Variants in INSL6 observed in about 807,000 individuals in gnomAD.
The protein encoded by INSL6 is insulin-like peptide INSL6.
A neutral mutation model predicts 9.4 loss-of-function variants in INSL6; 16 were observed. The ratio of observed to expected loss-of-function variants is 1.70; its 90% CI spans 1.15 to 2.59. The LOEUF (loss-of-function observed/expected upper bound fraction) is 2.59. Among genes scored for constraint, INSL6 ranks in the 30% most tolerant of loss-of-function variants. INSL6 has a pLI of 0.00. For synonymous variants in INSL6, 154 were observed against 96.9 expected (o/e 1.59, Z -3.46); for missense variants, 391 against 257.3 (o/e 1.52, Z -3.56).
the INSL6 span, among the ~76,000 whole-genome samples, chr9:4,998,025 A>G: frequency 6.6e-6 from 1 of 152,218 alleles, no homozygotes; most frequent in Non-Finnish European, 1.5e-5. Context: ...AAAAATCATT[A>G]TGAGCTTAAA....
intron 3 of INSL6, among the ~76,000 whole-genome samples, chr9:5,125,714 T>C (rs1823940354): frequency 3.0e-5 from 2 of 66,480 alleles, no homozygotes; most frequent in African/African-American, 1.2e-4. Flanking sequence ...TATATATATT[T>C]TAATTTCCAT....
chr9:5,021,893 A>T, the INSL6 span: 5 of 879,490 alleles, frequency 5.7e-6, no homozygotes, highest in Non-Finnish European at 8.8e-6. Flanking sequence ...TCGGCCCCGC[A>T]AAGTGCTAGG....
the INSL6 span, chr9:5,078,229 T>G: frequency 1.6e-6 from 2 of 1,214,246 alleles, no homozygotes; most frequent in Non-Finnish European, 1.2e-6. Context: ...TTAAATCTGT[T>G]TTGGGGGCTT....
the INSL6 span, chr9:5,099,800 C>G: frequency 2.0e-5 from 3 of 152,188 alleles, no homozygotes; most frequent in African/African-American, 7.2e-5. Context: ...ACTGCCTCAA[C>G]CAACCTCCTT....
the INSL6 span, among the ~76,000 whole-genome samples, chr9:5,103,660 C>T: frequency 6.6e-6 from 1 of 151,962 alleles, no homozygotes; most frequent in Non-Finnish European, 1.5e-5. Context: ...AAATAGACCA[C>T]ATAGAAGTAA....
In INSL6 at chr9:5,175,613, A is replaced by T. The variant is rs974246709; in HGVS notation, c.289+9701T>A. On this transcript the variant is annotated intron_variant, in intron 1 of 1. Coordinates refer to ENST00000381641, the MANE Select transcript of INSL6 (RefSeq NM_007179.3). ...TAAGCAGTGGGCAGGCGAGCGAGCA[A>T]AGCTTCATCTATATTTACAGCTGCT... is the stretch of plus-strand genomic sequence containing the variant. 6.6e-4 allele frequency among the ~76,000 whole-genome samples: 101 copies of T among 152,254 alleles called. 1 individual carries two copies. The highest frequency in any genetic ancestry group is 3.3e-4 in the Admixed American group (5 of 15,292).
intron 1 of INSL6, among the ~76,000 whole-genome samples, chr9:5,180,451 T>C (rs896695716): frequency 2.0e-5 from 3 of 152,188 alleles, no homozygotes; most frequent in Non-Finnish European, 4.4e-5. Context: ...GATGTGCAAG[T>C]AGGGAAGATA....
At chr9:5,064,017 G>A in the INSL6 span, among the ~76,000 whole-genome samples, 5,618 of 152,016 alleles carry the variant, frequency 0.037, 169 homozygotes, top group Middle Eastern at 0.058. Context: ...TTAGCCGGGC[G>A]TCTTGGCGTG....
chr9:5,105,472 G>A, the INSL6 span, among the ~76,000 whole-genome samples: 1 of 152,298 alleles, frequency 6.6e-6, no homozygotes, highest in African/African-American at 2.4e-5. Flanking sequence ...TCAATATCGT[G>A]AAAATGGCGA....
chr9:5,064,054 A>G, the INSL6 span, among the ~76,000 whole-genome samples: 2 of 151,888 alleles, frequency 1.3e-5, no homozygotes, highest in African/African-American at 4.8e-5. Context: ...TTTTTGGGAG[A>G]CTGAGACAGG....
At chr9:5,090,575 C>G in the INSL6 span, 1 of 1,561,520 alleles carries the variant, frequency 6.4e-7, no homozygotes, top group African/African-American at 1.4e-5. Context: ...TGCAAGGTAA[C>G]TAATATCCTG....
At chr9:5,070,121 A>G in the INSL6 span, 5 of 1,114,718 alleles carry the variant, frequency 4.5e-6, no homozygotes, top group East Asian at 2.6e-5. Context: ...CTTGATTTAC[A>G]TTCATGTGAC....
At chr9:5,122,516 G>A (rs1314676658), downstream of INSL6, among the ~76,000 whole-genome samples, 3 of 152,056 alleles carry the variant, frequency 2.0e-5, no homozygotes, top group African/African-American at 7.2e-5. Flanking sequence ...TAACCTTGGT[G>A]CTGTCTACAG....
chr9:5,105,162 GTCA>G, the INSL6 span, among the ~76,000 whole-genome samples: 1 of 152,186 alleles, frequency 6.6e-6, no homozygotes, highest in African/African-American at 2.4e-5. Flanking sequence ...AGAAAACTTG[GTCA>G]TCTCAGCCCC....
the INSL6 span, among the ~76,000 whole-genome samples, chr9:5,061,581 T>C: frequency 6.6e-6 from 1 of 152,254 alleles, no homozygotes; most frequent in Non-Finnish European, 1.5e-5. Flanking sequence ...TTTAAGAGCA[T>C]TAGGGTCTTG....
chr9:5,044,579 T>C, the INSL6 span: 24 of 1,070,070 alleles, frequency 2.2e-5, no homozygotes, highest in Non-Finnish European at 3.1e-5. Context: ...TGCTGTTTAA[T>C]AAGTCACTTA....
chr9:5,054,934 A>T, the INSL6 span: 1 of 1,309,796 alleles, frequency 7.6e-7, no homozygotes, highest in Non-Finnish European at 1.1e-6. This position sits in a 1 kb window ranked among gnomAD's most constrained non-coding sequence, Gnocchi z 4.9. Flanking sequence ...AGTACAATGG[A>T]AATAAAAACA....
At chr9:5,122,289 T>G (rs766720281), downstream of INSL6, among the ~76,000 whole-genome samples, 2 of 152,130 alleles carry the variant, frequency 1.3e-5, no homozygotes, top group African/African-American at 2.4e-5. Flanking sequence ...TTCCCTTGGA[T>G]AGTGTTAATG....
chr9:5,122,722 A>G (rs1437556516), downstream of INSL6, among the ~76,000 whole-genome samples: 3 of 151,822 alleles, frequency 2.0e-5, no homozygotes. Context: ...AAAGTTACAT[A>G]CTCCCAGAAG....
Sources: allele counts gnomAD v4.1 joint callset (sites outside exome capture counted in the v4.1 genomes callset), GRCh38; gene constraint gnomAD v4.1.1; non-coding constraint Gnocchi (gnomAD v3.1); transcripts MANE v1.5; gene names NCBI Gene and HGNC (gene_info 2026-07-23, HGNC 2026-07-21).